The following FKTN variants were observed in gnomAD, a reference collection of about 807,000 sequenced individuals.
FKTN encodes fukutin.
A neutral mutation model predicts 58.6 loss-of-function variants in FKTN; 47 were observed. The ratio of observed to expected loss-of-function variants is 0.80; its 90% CI spans 0.63 to 1.02. FKTN has a LOEUF of 1.02. Ranked by LOEUF, FKTN falls within the 50% of genes least tolerant of loss-of-function variation. FKTN has a pLI of 0.00. For synonymous variants in FKTN, 178 were observed against 191.9 expected (o/e 0.93, Z 0.60); for missense variants, 516 against 537.3 (o/e 0.96, Z 0.39).
intron 1 of FKTN, among the ~76,000 whole-genome samples, chr9:105,572,399 A>C (rs1262488254): frequency 1.3e-5 from 2 of 152,222 alleles, no homozygotes; most frequent in African/African-American, 4.8e-5. Context: ...AAACTGAGAG[A>C]AAGAGATGTA....
At chr9:105,619,216 A>G (rs1010411536) in intron 9 of FKTN, among the ~76,000 whole-genome samples, 6 of 152,186 alleles carry the variant, frequency 3.9e-5, no homozygotes, top group African/African-American at 9.6e-5. Context: ...AACATTCACT[A>G]TAAGTATGGC....
In FKTN at chr9:105,592,453, A is replaced by G. The variant is rs1845069956; in HGVS notation, c.106-4145A>G. ...GGAGTTCGAGATCAGCCTGGCCAAT[A>G]TGGTGAAACCCTGTCTCTACTAAAA... is the stretch of plus-strand genomic sequence containing the variant. On this transcript the variant is annotated intron_variant, in intron 3 of 10. Coordinates refer to ENST00000357998, the MANE Select transcript of FKTN (RefSeq NM_001079802.2). Among the ~76,000 whole-genome samples, 3 of 152,082 alleles carry G rather than the reference A, an allele frequency of 2.0e-5. No individual in the cohort carries two copies. In the South Asian group the frequency reaches 6.2e-4, roughly 32 times the overall value.
chr9:105,606,656 T>C (rs1162442824), intron 6 of FKTN, among the ~76,000 whole-genome samples: 2 of 148,968 alleles, frequency 1.3e-5, no homozygotes, highest in East Asian at 1.9e-4. Context: ...TGTAAGAGTA[T>C]GTTTATTCTT....
At chr9:105,618,223 C>G in intron 9 of FKTN, 131 bp downstream of exon 9, 4 of 799,364 alleles carry the variant, frequency 5.0e-6, no homozygotes, top group South Asian at 4.4e-5. Flanking sequence ...AGGATGAGTT[C>G]AGCAGAAGCC....
intron 2 of FKTN, 24 bp from the exon 3 acceptor site, chr9:105,574,921 T>C: frequency 1.4e-6 from 1 of 718,346 alleles, no homozygotes; most frequent in Non-Finnish European, 2.6e-6. Context: ...TTTGTTTCTT[T>C]AAAAATATCT....
intron 7 of FKTN, among the ~76,000 whole-genome samples, chr9:105,611,742 A>G (rs915738637): frequency 1.3e-5 from 2 of 152,148 alleles, no homozygotes; most frequent in Admixed American, 6.5e-5. Flanking sequence ...TATCCAGTCT[A>G]TCATTGATGA....
At chr9:105,605,269 T>C (rs985464482) in intron 6 of FKTN, among the ~76,000 whole-genome samples, 25 of 152,084 alleles carry the variant, frequency 1.6e-4, no homozygotes, top group African/African-American at 6.0e-4. Flanking sequence ...AGAAATAATA[T>C]GGATTATAAG....
chr9:105,619,104 A>T (rs889258703), intron 9 of FKTN, among the ~76,000 whole-genome samples: 3 of 151,928 alleles, frequency 2.0e-5, no homozygotes, highest in African/African-American at 7.2e-5. Context: ...TATTTTTTCC[A>T]TCATAAATAG....
chr9:105,618,053 T>C lies in FKTN; in HGVS notation c.1005T>C (p.Phe335=), dbSNP rs924159503. The C allele has an allele frequency of 6.2e-7, 1 of 1,611,750 alleles. No individual in the cohort carries two copies. The highest frequency in any genetic ancestry group is 8.5e-7 in the Non-Finnish European group (1 of 1,177,840). The change falls in exon 9 of 11, where the codon TTT becomes TTC. Residue 335 remains phenylalanine, a synonymous_variant. Coordinates refer to ENST00000357998, the MANE Select transcript of FKTN (RefSeq NM_001079802.2). The part of the protein sequence containing the change: ...QDYKSDIILA[F]QDAGLPLKHK... ...ACAAATCTGATATTATTTTAGCATTTCAGGATGCAGGACTTCCGCTCAAAC... is the reference window on the plus strand; with the variant it reads ...ACAAATCTGATATTATTTTAGCATTCCAGGATGCAGGACTTCCGCTCAAAC...
chr9:105,582,847 A>G (rs952379432), intron 3 of FKTN, among the ~76,000 whole-genome samples: 2 of 152,216 alleles, frequency 1.3e-5, no homozygotes, highest in African/African-American at 4.8e-5. Flanking sequence ...AAATAGGAAT[A>G]ACAATAATAA....
At chr9:105,563,798 A>T (rs575047631) in intron 1 of FKTN, among the ~76,000 whole-genome samples, 1 of 152,308 alleles carries the variant, frequency 6.6e-6, no homozygotes, top group African/African-American at 2.4e-5. Context: ...AGCTTGGAAG[A>T]GAGTAGTGGT....
At chr9:105,561,223 A>T (rs1223150073) in intron 1 of FKTN, among the ~76,000 whole-genome samples, 3 of 151,708 alleles carry the variant, frequency 2.0e-5, no homozygotes, top group Non-Finnish European at 4.4e-5. Context: ...GCAGTGAGCT[A>T]TGATTGTGAC....
intron 3 of FKTN, among the ~76,000 whole-genome samples, chr9:105,579,033 G>T (rs1371036313): frequency 2.6e-5 from 4 of 151,428 alleles, no homozygotes; most frequent in South Asian, 2.1e-4. Context: ...GTTTTTTATT[G>T]CGTCTATTTC....
intron 3 of FKTN, among the ~76,000 whole-genome samples, chr9:105,587,479 C>T (rs1844111703): frequency 6.6e-6 from 1 of 152,126 alleles, no homozygotes; most frequent in Non-Finnish European, 1.5e-5. Flanking sequence ...TAAAATTATG[C>T]AAGAAATATG....
At position 105,575,111 on chromosome 9, in the gene FKTN, T is replaced by G; in HGVS notation, c.79T>G (p.Tyr27Asp). Reference protein sequence around the residue: ...SSAFLLFQLYYYKHYLSTKNG... With the variant: ...SSAFLLFQLYDYKHYLSTKNG... The stretch of plus-strand genomic sequence containing the variant: ...TGCATTTCTGCTGTTTCAGTTGTAC[T>G]ACTACAAGCACTATTTATCAACAAA... Residue 27 changes from tyrosine (Y) to aspartate (D), a missense_variant, in exon 3 of 11, where the codon TAC becomes GAC. Coordinates refer to ENST00000357998, the MANE Select transcript of FKTN (RefSeq NM_001079802.2). 6.2e-7 allele frequency: 1 copy of G among 1,602,760 alleles called. No homozygotes were observed. Among genetic ancestry groups the G allele is most frequent in the Non-Finnish European group, 8.5e-7 (1 of 1,169,824 alleles).
intron 10 of FKTN, among the ~76,000 whole-genome samples, chr9:105,625,040 A>G (rs1832583174): frequency 6.6e-6 from 1 of 152,222 alleles, no homozygotes; most frequent in Admixed American, 6.5e-5. Context: ...ATAGATTCAC[A>G]ACTGTTTGCT....
At chr9:105,569,220 A>G (rs564320372) in intron 1 of FKTN, among the ~76,000 whole-genome samples, 11 of 152,292 alleles carry the variant, frequency 7.2e-5, no homozygotes, top group African/African-American at 2.6e-4. Context: ...GCACACCAAC[A>G]TGGCACATGT....
At chr9:105,566,476 C>A (rs1236306381) in intron 1 of FKTN, among the ~76,000 whole-genome samples, 1 of 151,936 alleles carries the variant, frequency 6.6e-6, no homozygotes, top group Non-Finnish European at 1.5e-5. Context: ...ATATCACCAC[C>A]GATCCCACCG....
chr9:105,607,169 A>G (rs1432280261), intron 6 of FKTN, among the ~76,000 whole-genome samples: 1 of 152,124 alleles, frequency 6.6e-6, no homozygotes, highest in East Asian at 1.9e-4. Flanking sequence ...ATGAGTAGGA[A>G]TGGAAAACTC....
Sources: gnomAD v4.1 joint callset for allele counts (sites outside exome capture counted in the v4.1 genomes callset) on GRCh38, gnomAD v4.1.1 for gene constraint, MANE v1.5 for transcripts, NCBI Gene and HGNC (gene_info 2026-07-23, HGNC 2026-07-21) for gene names.